Variants in HTR1F observed in about 807,000 individuals in gnomAD.
HTR1F encodes the protein 5-hydroxytryptamine (serotonin) receptor 1F, G protein-coupled.
A neutral mutation model predicts 24.0 loss-of-function variants in HTR1F; 17 were observed. The observed-to-expected ratio is 0.71, with a 90% CI of 0.48 to 1.06. HTR1F has a LOEUF of 1.06. Among genes scored for constraint, HTR1F ranks in the 50% least tolerant of loss-of-function variants. The pLI, the probability that HTR1F is intolerant of heterozygous loss-of-function variation, is 0.00. For synonymous variants in HTR1F, 186 were observed against 156.8 expected, an observed-to-expected ratio of 1.19 and a Z score of -1.39; for missense variants, 391 against 427.8, an observed-to-expected ratio of 0.91 and a Z score of 0.76.
intron 2 of HTR1F, among the ~76,000 whole-genome samples, chr3:87,971,404 C>T (rs1320990728): frequency 6.6e-6 from 1 of 151,856 alleles, no homozygotes. Context: ...CCCGTTTCTA[C>T]AAAAATTAGC....
rs1231333544 is a variant in HTR1F at position 87,849,645 on chromosome 3, A to G, written c.-43+27521A>G. On this transcript the variant is annotated intron_variant, in intron 2 of 2. Transcript: ENST00000319595. The stretch of plus-strand genomic sequence containing the variant: ...AACTAAAGAGCTTCTGCACAGCAAA[A>G]GAAACCACCATCAGAGTGAACAGGC... 1.3e-4 allele frequency among the ~76,000 whole-genome samples: 20 copies of G among 151,938 alleles called. 1 individual carries two copies. Among genetic ancestry groups the G allele is most frequent in the East Asian group, 5.8e-4 (3 of 5,208 alleles).
At chr3:87,907,151 C>T (rs1256580449) in intron 2 of HTR1F, among the ~76,000 whole-genome samples, 2 of 151,800 alleles carry the variant, frequency 1.3e-5, no homozygotes, top group Non-Finnish European at 2.9e-5. Context: ...ACATTCCCAC[C>T]AACATGTAAA....
intron 2 of HTR1F, among the ~76,000 whole-genome samples, chr3:87,894,559 CTTTTTTTT>C (rs35190252): frequency 2.7e-5 from 2 of 74,658 alleles, no homozygotes; most frequent in Non-Finnish European, 4.7e-5. Context: ...TGCCCAGCCT[CTTTTTTTT>C]TTTTTTTTTT....
intron 2 of HTR1F, among the ~76,000 whole-genome samples, chr3:87,879,750 C>T (rs1283950540): frequency 6.6e-6 from 1 of 151,834 alleles, no homozygotes; most frequent in African/African-American, 2.4e-5. Flanking sequence ...TGGAGTTAAC[C>T]AACACATTAA....
intron 2 of HTR1F, among the ~76,000 whole-genome samples, chr3:87,894,540 G>T (rs1464828787): frequency 3.5e-5 from 5 of 142,424 alleles, no homozygotes; most frequent in Admixed American, 2.8e-4. Flanking sequence ...TTACAGATGT[G>T]AGCCATGTTG....
chr3:87,961,010 AC>A (rs1341514398), intron 2 of HTR1F, among the ~76,000 whole-genome samples: 143 of 152,094 alleles, frequency 9.4e-4, no homozygotes, highest in African/African-American at 3.3e-3. Context: ...GCACACACAC[AC>A]ACACACACAC....
At chr3:87,965,863 C>T (rs1204399679) in intron 2 of HTR1F, among the ~76,000 whole-genome samples, 5 of 152,190 alleles carry the variant, frequency 3.3e-5, no homozygotes, top group Admixed American at 2.0e-4. Context: ...CGGATTAGAG[C>T]CACATCAGCT....
At chr3:87,883,860 A>G (rs1705869909) in intron 2 of HTR1F, among the ~76,000 whole-genome samples, 1 of 152,210 alleles carries the variant, frequency 6.6e-6, no homozygotes, top group Non-Finnish European at 1.5e-5. Flanking sequence ...GACCAAATCT[A>G]TGTTTGATTG....
intron 2 of HTR1F, among the ~76,000 whole-genome samples, chr3:87,916,571 G>A (rs575622385): frequency 6.6e-6 from 1 of 152,188 alleles, no homozygotes; most frequent in African/African-American, 2.4e-5. Context: ...AGCCAGGATA[G>A]CTATTCTTAT....
At chr3:87,945,091 A>ATC (rs201202905) in intron 2 of HTR1F, among the ~76,000 whole-genome samples, 8 of 146,788 alleles carry the variant, frequency 5.5e-5, no homozygotes, top group East Asian at 2.0e-4. Context: ...TCTCTCCTCC[A>ATC]TCTCTCTCTC....
intron 2 of HTR1F, among the ~76,000 whole-genome samples, chr3:87,981,264 A>G (rs562305122): frequency 3.5e-4 from 54 of 152,238 alleles, no homozygotes; most frequent in Admixed American, 2.3e-3. Flanking sequence ...GTGCAATCTC[A>G]GCTTACTGCA....
At chr3:87,947,844 G>A (rs1273287382) in intron 2 of HTR1F, among the ~76,000 whole-genome samples, 2 of 152,172 alleles carry the variant, frequency 1.3e-5, no homozygotes, top group Non-Finnish European at 2.9e-5. Context: ...TTTGACTAAT[G>A]AAATGCTAAT....
At chr3:87,894,394 T>C (rs778809951) in intron 2 of HTR1F, among the ~76,000 whole-genome samples, 5 of 151,696 alleles carry the variant, frequency 3.3e-5, no homozygotes, top group Non-Finnish European at 5.9e-5. Context: ...GTAGCTGGGA[T>C]TATGGGCACG....
intron 1 of HTR1F, among the ~76,000 whole-genome samples, chr3:87,810,304 A>G (rs1327259504): frequency 6.6e-6 from 1 of 152,152 alleles, no homozygotes; most frequent in Admixed American, 6.6e-5. Flanking sequence ...AACTTCCTTC[A>G]TCGGAAATGT....
At chr3:87,873,551 T>C (rs1705606804) in intron 2 of HTR1F, among the ~76,000 whole-genome samples, 1 of 152,178 alleles carries the variant, frequency 6.6e-6, no homozygotes, top group Admixed American at 6.5e-5. Flanking sequence ...CAGATGCTAA[T>C]CTATTTCAGA....
chr3:87,827,524 C>T (rs1300984717), intron 2 of HTR1F, among the ~76,000 whole-genome samples: 1 of 152,090 alleles, frequency 6.6e-6, no homozygotes, highest in East Asian at 1.9e-4. Context: ...AAGAAAACTG[C>T]AGTATGTATG....
At chr3:87,867,315 C>T (rs1441999036) in intron 2 of HTR1F, among the ~76,000 whole-genome samples, 1 of 151,788 alleles carries the variant, frequency 6.6e-6, no homozygotes, top group Non-Finnish European at 1.5e-5. Context: ...TTTTAAATCT[C>T]TCATTGTACA....
At chr3:87,833,898 G>T (rs1704632480) in intron 2 of HTR1F, among the ~76,000 whole-genome samples, 2 of 152,000 alleles carry the variant, frequency 1.3e-5, no homozygotes, top group African/African-American at 4.8e-5. Context: ...AAAAAGTATT[G>T]ACTTCCATTT....
chr3:87,810,000 T>A (rs1225310412), intron 1 of HTR1F, among the ~76,000 whole-genome samples: 1 of 152,116 alleles, frequency 6.6e-6, no homozygotes, highest in Non-Finnish European at 1.5e-5. Context: ...CCTTATTTTT[T>A]AATTAGCTAC....
Sources: gnomAD v4.1 joint callset for allele counts (sites outside exome capture counted in the v4.1 genomes callset) on GRCh38, gnomAD v4.1.1 for gene constraint, MANE v1.5 for transcripts, NCBI Gene and HGNC (gene_info 2026-07-23, HGNC 2026-07-21) for gene names.